Variants in CSPG4 observed in about 807,000 individuals in gnomAD.
CSPG4 encodes the protein chondroitin sulfate proteoglycan 4.
In CSPG4, 74 loss-of-function variants were observed where a neutral mutation model predicts 139.3. That is an observed-to-expected ratio of 0.53 (90% CI 0.44 to 0.64). The LOEUF is 0.64. CSPG4 is among the 30% of genes least tolerant of loss of function. The probability of loss-of-function intolerance (pLI) is 0.00; values close to 1 mark genes in which losing one functional copy is unlikely to be tolerated. For synonymous variants in CSPG4, 1,234 were observed against 1,394.2 expected (o/e 0.89, Z 2.56); for missense variants, 2,565 against 3,148.3 (o/e 0.81, Z 4.43).
At position 75,681,365 on chromosome 15, in the gene CSPG4, G is replaced by T. The variant is rs571298290; in HGVS notation, c.4950+928C>A. ...CAGGAGTCCCTGCCGAGCTAGGAAA[G>T]GGGGCTGGGGTGGGCTCTGCCATTT... is the stretch of plus-strand genomic sequence containing the variant. On this transcript the variant is annotated intron_variant, in intron 8 of 9. Coordinates refer to ENST00000308508, the MANE Select transcript of CSPG4 (RefSeq NM_001897.5). Among the ~76,000 whole-genome samples the T allele has an allele frequency of 1.3e-4, 19 of 145,162 alleles. No homozygotes were observed. In the South Asian group the frequency reaches 4.2e-3, roughly 32 times the overall value.
Position 75,676,906 on chromosome 15 carries a change from C to T in CSPG4, c.5613G>A (p.Glu1871=). Residue 1871 remains glutamate, a synonymous_variant, in exon 10 of 10, where the codon GAG becomes GAA. Transcript: ENST00000308508. ...PDSAPGEIEY[E]VQRAPHNGFL... ...AGCCGTTGTGGGGTGCCCGCTGGACCTCGTACTCAATCTCCCCAGGAGCTG... is the reference window on the plus strand; with the variant it reads ...AGCCGTTGTGGGGTGCCCGCTGGACTTCGTACTCAATCTCCCCAGGAGCTG... 1 of 1,577,296 alleles carries T rather than the reference C, an allele frequency of 6.3e-7. No individual in the cohort carries two copies. Among genetic ancestry groups the T allele is most frequent in the Non-Finnish European group, 8.6e-7 (1 of 1,162,504 alleles).
chr15:75,689,142 C>A lies in CSPG4; in HGVS notation c.1923G>T (p.Arg641=), dbSNP rs1479816264. The A allele has an allele frequency of 6.3e-7, 1 of 1,598,784 alleles. No homozygotes were observed. Among genetic ancestry groups the A allele is most frequent in the Middle Eastern group, 2.2e-4 (1 of 4,532 alleles). Reference sequence around the variant, plus strand: ...GGCTGGCCTGCAGTCCATCGCTGACCCGGAACGTCAAGTCCTGTGCAGGAC... The same window carrying A: ...GGCTGGCCTGCAGTCCATCGCTGACACGGAACGTCAAGTCCTGTGCAGGAC... ...RGGPAQDLTF[R]VSDGLQASPP... Residue 641 remains arginine (R), a synonymous_variant, in exon 3 of 10, where the codon CGG becomes CGT. Transcript: ENST00000308508.
chr15:75,677,199 A>G lies in CSPG4; in HGVS notation c.5320T>C (p.Phe1774Leu). 1 of 1,448,536 alleles carries G rather than the reference A, an allele frequency of 6.9e-7. No individual in the cohort carries two copies. 89.7% of individuals were successfully genotyped at this position (1,448,536 alleles called of 1,614,324 possible). A position where few individuals can be genotyped will look rare whatever the true frequency, so the allele number is the denominator to read the frequency against. Residue 1774 changes from phenylalanine (F) to leucine (L), a missense_variant, in exon 10 of 10, where the codon TTC becomes CTC. By Grantham distance (22) the Phe-to-Leu change is conservative. Around this residue, in one of 5 missense-constraint regions of CSPG4, gnomAD observed 2,316 missense variants for 2,818.2 expected, o/e 0.82. Coordinates refer to ENST00000308508, the MANE Select transcript of CSPG4 (RefSeq NM_001897.5). Reference protein sequence around the residue: ...EEPLHAGQPHFLQSQLAAGQL... With the variant: ...EEPLHAGQPHLLQSQLAAGQL... ...CCTGCAGCCAGCTGGGACTGCAGGA[A>G]GTGGGGCTGCCCAGCATGGAGGGGC... is the stretch of plus-strand genomic sequence containing the variant.
intron 1 of CSPG4, among the ~76,000 whole-genome samples, chr15:75,709,585 G>A (rs544168545): frequency 6.6e-6 from 1 of 152,308 alleles, no homozygotes; most frequent in Admixed American, 6.5e-5. Context: ...AGGTCTGTGA[G>A]AGTGGCCGTG....
chr15:75,703,234 CAGAA>C (rs1894327661), intron 1 of CSPG4, among the ~76,000 whole-genome samples: 1 of 133,052 alleles, frequency 7.5e-6, no homozygotes, highest in African/African-American at 2.8e-5. Flanking sequence ...GAAAGACAGA[CAGAA>C]AGAGATGGAG....
chr15:75,681,286 C>G (rs11636352), intron 8 of CSPG4, among the ~76,000 whole-genome samples: 75,561 of 152,010 alleles, frequency 0.5, 19,267 homozygotes, highest in Middle Eastern at 0.6. Flanking sequence ...AGGGACTTTG[C>G]CTTTGCACTT....
chr15:75,709,606 T>C (rs1894418724), intron 1 of CSPG4, among the ~76,000 whole-genome samples: 1 of 152,212 alleles, frequency 6.6e-6, no homozygotes, highest in African/African-American at 2.4e-5. Flanking sequence ...TGCAAGTGTG[T>C]GTGCCCACAT....
At position 75,683,764 on chromosome 15, in the gene CSPG4, A is replaced by G. The variant is rs568777035; in HGVS notation, c.4450-723T>C. On this transcript the variant is annotated intron_variant, in intron 5 of 9. Coordinates refer to ENST00000308508, the MANE Select transcript of CSPG4 (RefSeq NM_001897.5). ...GCAGTGGGACTCACATGCCCGGAAA[A>G]CAGAGCCTTCTGGCATTCCTGGGCT... Among the ~76,000 whole-genome samples, 58 of 152,226 alleles carry G rather than the reference A, an allele frequency of 3.8e-4. 2 individuals are homozygous for G. The South Asian group carries it at 0.012, about 31-fold the overall frequency.
Position 75,700,388 on chromosome 15 carries a change from G to A in CSPG4, c.89-7155C>T, listed in dbSNP as rs189362246. On this transcript the variant is annotated intron_variant, in intron 1 of 9. Coordinates refer to ENST00000308508, the MANE Select transcript of CSPG4 (RefSeq NM_001897.5). The stretch of plus-strand genomic sequence containing the variant: ...GCCGGGTGGAGGGGGCAGCGAGGAG[G>A]GGGGGACAGCGAGGAGGGGAGGGAA... 1.6e-3 allele frequency among the ~76,000 whole-genome samples: 240 copies of A among 152,220 alleles called. 2 individuals are homozygous for A. The highest frequency in any genetic ancestry group is 5.7e-3 in the African/African-American group (237 of 41,534).
At chr15:75,692,073 C>T (rs1894171679) in intron 2 of CSPG4, among the ~76,000 whole-genome samples, 1 of 152,200 alleles carries the variant, frequency 6.6e-6, no homozygotes, top group Non-Finnish European at 1.5e-5. Context: ...CCTCCTTCTC[C>T]TGGGTTCAAG....
At chr15:75,691,813 T>C (rs1894168232) in intron 2 of CSPG4, among the ~76,000 whole-genome samples, 1 of 152,220 alleles carries the variant, frequency 6.6e-6, no homozygotes, top group Non-Finnish European at 1.5e-5. Context: ...GAACTATAAT[T>C]TTGGAGTCCT....
rs147752764 is a variant in CSPG4 at position 75,691,026 on chromosome 15, T to A, written c.253-214A>T. On this transcript the variant is annotated intron_variant, in intron 2 of 9. Coordinates refer to ENST00000308508, the MANE Select transcript of CSPG4 (RefSeq NM_001897.5). ...CCTGTCTCTACTAAAAACACAAAAT[T>A]AGCTGGGCATGGTGGCGCATGCCTG... is the stretch of plus-strand genomic sequence containing the variant. Among the ~76,000 whole-genome samples, 1,295 of 152,124 alleles carry A rather than the reference T, an allele frequency of 8.5e-3. 18 individuals carry two copies. Among genetic ancestry groups the A allele is most frequent in the Admixed American group, 0.033 (502 of 15,282 alleles).
Position 75,712,828 on chromosome 15 carries a change from C to T in CSPG4, c.-73G>A, listed in dbSNP as rs1894465683. ...GGAGCTGGGAGCTGAGTGGAGCGAG[C>T]GCGGCTCTGCTCCTGGGCGCGGGCC... On this transcript the variant is annotated 5_prime_UTR_variant, in exon 1 of 10. Coordinates refer to ENST00000308508, the MANE Select transcript of CSPG4 (RefSeq NM_001897.5). The T allele has an allele frequency of 3.0e-6, 4 of 1,323,410 alleles. No homozygotes were observed. The highest frequency in any genetic ancestry group is 4.0e-6 in the Non-Finnish European group (4 of 988,242). 82.0% of individuals were successfully genotyped at this position (1,323,410 alleles called of 1,614,324 possible).
chr15:75,694,812 T>TGG (rs1348609273), intron 1 of CSPG4, among the ~76,000 whole-genome samples: 1 of 152,230 alleles, frequency 6.6e-6, no homozygotes, highest in African/African-American at 2.4e-5. Flanking sequence ...CAGCAGAGCT[T>TGG]GGCGCCAGCA....
chr15:75,683,916 G>A (rs1894016210), intron 5 of CSPG4, among the ~76,000 whole-genome samples: 1 of 152,166 alleles, frequency 6.6e-6, no homozygotes, highest in Non-Finnish European at 1.5e-5. Context: ...TGGTGGCTGT[G>A]CTGCCACACA....
In CSPG4 at chr15:75,689,421, A is replaced by G. The variant is rs763697328; in HGVS notation, c.1644T>C (p.Pro548=). 83 of 1,612,598 alleles carry G rather than the reference A, an allele frequency of 5.1e-5. 1 individual carries two copies. The highest frequency in any genetic ancestry group is 5.0e-4 in the Middle Eastern group (3 of 6,042). ...QTYLLPIQVN[P]VNDPPHIIFP... is the part of the protein sequence containing the mutation. ...AGATGATGTGGGGTGGGTCATTGAC[A>G]GGGTTGACCTGGATGGGCAGGAGGT... Residue 548 remains proline, a synonymous_variant, in exon 3 of 10, where the codon CCT becomes CCC. Coordinates refer to ENST00000308508, the MANE Select transcript of CSPG4 (RefSeq NM_001897.5).
At chr15:75,694,014 A>C (rs997561186) in intron 1 of CSPG4, among the ~76,000 whole-genome samples, 13 of 152,330 alleles carry the variant, frequency 8.5e-5, no homozygotes, top group Admixed American at 5.2e-4. Flanking sequence ...AGAGCTATTC[A>C]CAGTCCCCGA....
At chr15:75,699,302 G>C (rs1488211177) in intron 1 of CSPG4, among the ~76,000 whole-genome samples, 1 of 152,230 alleles carries the variant, frequency 6.6e-6, no homozygotes. Context: ...CTTGAGCCAA[G>C]AGACACACAC....
Position 75,689,541 on chromosome 15 carries a change from G to C in CSPG4, c.1524C>G (p.His508Gln). The part of the protein sequence containing the change: ...DVVNRKARFI[H>Q]DGSEDTSDQL... The stretch of plus-strand genomic sequence containing the variant: ...GGTCGGAGGTGTCCTCAGAGCCATC[G>C]TGGATGAAGCGGGCCTTGCGGTTCA... Residue 508 changes from histidine to glutamine, a missense_variant, in exon 3 of 10, where the codon CAC becomes CAG. His to Gln is a conservative substitution (Grantham distance 24, BLOSUM62 0). Transcript: ENST00000308508. 6.2e-7 allele frequency: 1 copy of C among 1,612,824 alleles called. No homozygotes were observed. The highest frequency in any genetic ancestry group is 8.5e-7 in the Non-Finnish European group (1 of 1,179,868).
Sources: gnomAD v4.1 joint callset for allele counts (sites outside exome capture counted in the v4.1 genomes callset) on GRCh38, gnomAD v4.1.1 for gene constraint, gnomAD v4.1.1 regional missense constraint, MANE v1.5 for transcripts, NCBI Gene and HGNC (gene_info 2026-07-23, HGNC 2026-07-21) for gene names.